CDH13: variants seen among roughly 807,000 people sequenced by gnomAD.
CDH13 encodes the protein cadherin 13.
In CDH13, 24 loss-of-function variants were observed where a neutral mutation model predicts 63.8. That is an observed-to-expected ratio of 0.38 (90% CI 0.27 to 0.53). The LOEUF (loss-of-function observed/expected upper bound fraction) is 0.53, where lower values mean the gene tolerates loss of function less well. Among genes scored for constraint, CDH13 ranks in the 20% least tolerant of loss-of-function variants. The probability of loss-of-function intolerance (pLI) is 0.85; values close to 1 mark genes in which losing one functional copy is unlikely to be tolerated. For synonymous variants in CDH13, 503 were observed against 355.3 expected, an observed-to-expected ratio of 1.42 and a Z score of -4.67; for missense variants, 1,049 against 903.1, an observed-to-expected ratio of 1.16 and a Z score of -2.07.
intron 5 of CDH13, among the ~76,000 whole-genome samples, chr16:83,294,129 G>A (rs531425569): frequency 2.6e-5 from 4 of 152,112 alleles, no homozygotes; most frequent in Admixed American, 6.5e-5. Context: ...ACATAAAATT[G>A]TAGTTTTTAC....
intron 5 of CDH13, among the ~76,000 whole-genome samples, chr16:83,238,120 A>G (rs976500614): frequency 1.3e-5 from 2 of 151,808 alleles, no homozygotes; most frequent in African/African-American, 2.4e-5. Flanking sequence ...TTTTTCCTAC[A>G]AGTTCGTCCA....
intron 8 of CDH13, among the ~76,000 whole-genome samples, chr16:83,634,469 C>T (rs952806981): frequency 6.6e-5 from 10 of 151,088 alleles, no homozygotes; most frequent in African/African-American, 9.8e-5. Context: ...GGCACAATCT[C>T]GGCTCATTGC....
chr16:83,679,676 A>T (rs1915245609), intron 10 of CDH13, among the ~76,000 whole-genome samples: 1 of 152,200 alleles, frequency 6.6e-6, no homozygotes, highest in Non-Finnish European at 1.5e-5. Flanking sequence ...TTAAACATCA[A>T]AGAGAGAGTC....
chr16:82,977,517 C>G (rs1209733549), intron 2 of CDH13, among the ~76,000 whole-genome samples: 1 of 152,094 alleles, frequency 6.6e-6, no homozygotes, highest in Non-Finnish European at 1.5e-5. Context: ...GCTTTTCCCC[C>G]TTTTGCTTGG....
At chr16:83,459,864 A>G (rs181041434) in intron 6 of CDH13, among the ~76,000 whole-genome samples, 1 of 152,354 alleles carries the variant, frequency 6.6e-6, no homozygotes, top group East Asian at 1.9e-4. Context: ...GTGTTACTCA[A>G]CTGGTAGAAA....
At chr16:83,706,115 G>A (rs1167789798) in intron 10 of CDH13, among the ~76,000 whole-genome samples, 2 of 152,190 alleles carry the variant, frequency 1.3e-5, no homozygotes, top group Non-Finnish European at 2.9e-5. Flanking sequence ...CAAGGCCTGG[G>A]AGCTGATGTC....
intron 5 of CDH13, among the ~76,000 whole-genome samples, chr16:83,228,059 C>G (rs1315167845): frequency 1.3e-5 from 2 of 152,114 alleles, no homozygotes; most frequent in Non-Finnish European, 2.9e-5. Context: ...GAAGGCCCTC[C>G]TGGGAGGGGC....
intron 4 of CDH13, among the ~76,000 whole-genome samples, chr16:83,169,693 G>C (rs531855596): frequency 6.6e-6 from 1 of 151,920 alleles, no homozygotes; most frequent in East Asian, 1.9e-4. Context: ...TTAATCTCTT[G>C]CCTGTCATAT....
At chr16:82,799,870 T>C (rs926061946) in intron 1 of CDH13, among the ~76,000 whole-genome samples, 1 of 152,214 alleles carries the variant, frequency 6.6e-6, no homozygotes, top group African/African-American at 2.4e-5. Flanking sequence ...TTTGGCTTTA[T>C]GGCAACCCAC....
chr16:82,899,495 T>C (rs1377061414), intron 2 of CDH13, among the ~76,000 whole-genome samples: 1 of 152,220 alleles, frequency 6.6e-6, no homozygotes, highest in African/African-American at 2.4e-5. Context: ...ATTTGTTTGA[T>C]GATAACGAAT....
intron 2 of CDH13, among the ~76,000 whole-genome samples, chr16:83,021,918 C>G (rs1338695587): frequency 1.3e-5 from 2 of 152,184 alleles, no homozygotes; most frequent in African/African-American, 4.8e-5. Flanking sequence ...TCTTGATTCA[C>G]TCATGGATCT....
At chr16:82,638,722 C>T (rs12922394) in intron 1 of CDH13, among the ~76,000 whole-genome samples, 17,205 of 150,940 alleles carry the variant, frequency 0.11, 1,290 homozygotes, top group East Asian at 0.22. Flanking sequence ...TTGTTCCCCT[C>T]GGGATTCATG....
chr16:82,651,710 G>C (rs1910741661), intron 1 of CDH13, among the ~76,000 whole-genome samples: 1 of 152,240 alleles, frequency 6.6e-6, no homozygotes, highest in South Asian at 2.1e-4. Context: ...AGGAAGTACA[G>C]CTGGGGCTTA....
intron 1 of CDH13, among the ~76,000 whole-genome samples, chr16:82,767,196 G>A (rs2035088335): frequency 6.6e-6 from 1 of 152,184 alleles, no homozygotes; most frequent in African/African-American, 2.4e-5. Flanking sequence ...TCTTAAGTGT[G>A]TATTCTGAGT....
chr16:83,645,607 C>A (rs969834559), intron 8 of CDH13, among the ~76,000 whole-genome samples: 1 of 152,030 alleles, frequency 6.6e-6, no homozygotes, highest in African/African-American at 2.4e-5. Context: ...ACCTCCCGCA[C>A]CCTCAGGTGT....
rs189490488 is a variant in CDH13 at position 82,968,745 on chromosome 16, T to G, written c.158-63265T>G. On this transcript the variant is annotated intron_variant, in intron 2 of 13. Coordinates refer to ENST00000567109, the MANE Select transcript of CDH13 (RefSeq NM_001257.5). The stretch of plus-strand genomic sequence containing the variant: ...TTTTGTTCTAGCATCAGTCATATGG[T>G]GTTATAACTATTTTTGACACTCCGT... Among the ~76,000 whole-genome samples the G allele has an allele frequency of 1.6e-3, 237 of 152,306 alleles. 4 individuals carry two copies. The highest frequency in any genetic ancestry group is 9.7e-4 in the Non-Finnish European group (66 of 68,036).
At chr16:82,688,718 T>TA (rs1412804055) in intron 1 of CDH13, among the ~76,000 whole-genome samples, 1 of 152,212 alleles carries the variant, frequency 6.6e-6, no homozygotes, top group Non-Finnish European at 1.5e-5. Context: ...TACCTTCATT[T>TA]AAAAAATATA....
intron 7 of CDH13, among the ~76,000 whole-genome samples, chr16:83,597,109 G>C (rs1310560558): frequency 1.3e-5 from 2 of 152,112 alleles, no homozygotes; most frequent in East Asian, 1.9e-4. Context: ...TGTGGTCTTA[G>C]CTACTTGGGG....
intron 1 of CDH13, among the ~76,000 whole-genome samples, chr16:82,731,032 T>C (rs1450227640): frequency 6.6e-6 from 1 of 152,216 alleles, no homozygotes; most frequent in African/African-American, 2.4e-5. Context: ...ATCTATATAA[T>C]GGGGAACAGC....
Sources: allele counts gnomAD v4.1 joint callset (sites outside exome capture counted in the v4.1 genomes callset), GRCh38; gene constraint gnomAD v4.1.1; transcripts MANE v1.5; gene names NCBI Gene and HGNC (gene_info 2026-07-23, HGNC 2026-07-21).